OCA2: variants seen among roughly 807,000 people sequenced by gnomAD.
The protein encoded by OCA2 is P protein.
Under a neutral mutation model 100.2 loss-of-function variants are expected in OCA2, and 77 were observed. That is an observed-to-expected ratio of 0.77 (90% CI 0.64 to 0.93). The LOEUF is 0.93. Ranked by LOEUF, OCA2 falls within the 40% of genes least tolerant of loss-of-function variation. OCA2 has a pLI of 0.00. For synonymous variants in OCA2, 432 were observed against 439.2 expected (o/e 0.98, Z 0.21); for missense variants, 1,062 against 1,089.1 (o/e 0.98, Z 0.35).
chr15:27,920,412 A>T (rs1322979995), intron 19 of OCA2, among the ~76,000 whole-genome samples: 1 of 152,198 alleles, frequency 6.6e-6, no homozygotes, highest in Non-Finnish European at 1.5e-5. Flanking sequence ...ATATAAATGA[A>T]ATCAATAACA....
chr15:27,722,651 T>TC, the OCA2 span, among the ~76,000 whole-genome samples: 2 of 94,408 alleles, frequency 2.1e-5, no homozygotes, highest in African/African-American at 7.8e-5. Context: ...CCTTCCTTCT[T>TC]TTCTCTCTTT....
At chr15:28,095,598 T>C (rs2044961044) in intron 1 of OCA2, among the ~76,000 whole-genome samples, 1 of 151,304 alleles carries the variant, frequency 6.6e-6, no homozygotes, top group South Asian at 2.1e-4. Context: ...GTGCCTGTAA[T>C]CCCAGCTACT....
At chr15:27,764,924 A>C in intron 23 of OCA2, among the ~76,000 whole-genome samples, 1 of 152,226 alleles carries the variant, frequency 6.6e-6, no homozygotes, top group East Asian at 1.9e-4. Flanking sequence ...TGCTGGACTA[A>C]GGATACGTGT....
chr15:27,971,826 A>AT (rs76470826), intron 14 of OCA2, among the ~76,000 whole-genome samples: 2 of 151,454 alleles, frequency 1.3e-5, no homozygotes, highest in Non-Finnish European at 1.5e-5. Context: ...TTCTTTGTGA[A>AT]TTTTTTTTTC....
chr15:27,913,873 A>AAGAAAG (rs2038521798), intron 19 of OCA2, among the ~76,000 whole-genome samples: 3 of 56,952 alleles, frequency 5.3e-5, no homozygotes, highest in African/African-American at 2.7e-4. Flanking sequence ...GAAAGAAAGA[A>AAGAAAG]AGAAAGAAAG....
At chr15:27,849,325 G>A (rs1477715518) in intron 22 of OCA2, among the ~76,000 whole-genome samples, 1 of 152,182 alleles carries the variant, frequency 6.6e-6, no homozygotes, top group Non-Finnish European at 1.5e-5. Flanking sequence ...ACTGCAGCAG[G>A]GAAGACTTCT....
At chr15:27,886,145 T>C (rs1414149184) in intron 19 of OCA2, among the ~76,000 whole-genome samples, 2 of 152,226 alleles carry the variant, frequency 1.3e-5, no homozygotes, top group Non-Finnish European at 2.9e-5. Context: ...AAGGCCACCG[T>C]GTCTGGGGTC....
In OCA2 at chr15:27,926,066, A is replaced by C. The variant is rs1308405217; in HGVS notation, c.2079+61T>G. 5 of 1,584,074 alleles carry C rather than the reference A, an allele frequency of 3.2e-6. No homozygotes were observed. The African/African-American group carries it at 6.8e-5, about 21-fold the overall frequency. On this transcript the variant is annotated intron_variant, in intron 19 of 23. Coordinates refer to ENST00000354638, the MANE Select transcript of OCA2 (RefSeq NM_000275.3). ...GATGTAGGCTTTCTTCATTCACCAA[A>C]TAAAACATGAAATACAAAAATCAGG...
intron 19 of OCA2, among the ~76,000 whole-genome samples, chr15:27,878,392 G>C (rs561430256): frequency 6.6e-6 from 1 of 152,082 alleles, no homozygotes; most frequent in African/African-American, 2.4e-5. Flanking sequence ...TATAGAGCAG[G>C]TCTGCTGGAA....
chr15:27,917,287 T>A (rs2038700899), intron 19 of OCA2, among the ~76,000 whole-genome samples: 1 of 152,168 alleles, frequency 6.6e-6, no homozygotes, highest in Non-Finnish European at 1.5e-5. Context: ...TCTTCTTGGT[T>A]CTCACAAGCA....
At chr15:27,750,806 G>A (rs2030040824), downstream of OCA2, among the ~76,000 whole-genome samples, 1 of 152,238 alleles carries the variant, frequency 6.6e-6, no homozygotes, top group African/African-American at 2.4e-5. Flanking sequence ...TGTGCCAAAA[G>A]GCAAGTGGAT....
rs933229957 is a variant in OCA2, at chr15:28,043,762, T to C, written c.228-11599A>G. On this transcript the variant is annotated intron_variant, in intron 2 of 23. Transcript: ENST00000354638. This position sits in a 1 kb window ranked among gnomAD's most constrained non-coding sequence, Gnocchi z 4.4. The stretch of plus-strand genomic sequence containing the variant: ...ATTAATTATTAACATTAGATGGGCT[T>C]GTGACTGGGCTGGTTATTGAAGAGA... Among the ~76,000 whole-genome samples the C allele has an allele frequency of 1.3e-4, 20 of 152,198 alleles. No homozygotes were observed. The highest frequency in any genetic ancestry group is 4.1e-4 in the African/African-American group (17 of 41,440).
At chr15:27,760,329 G>A (rs865973968) in intron 23 of OCA2, among the ~76,000 whole-genome samples, 1 of 151,564 alleles carries the variant, frequency 6.6e-6, no homozygotes, top group Non-Finnish European at 1.5e-5. Flanking sequence ...AGAAGGAAAC[G>A]TATAGCACTA....
intron 19 of OCA2, chr15:27,896,019 CT>C: frequency 1.9e-6 from 2 of 1,048,918 alleles, no homozygotes; most frequent in Non-Finnish European, 2.9e-6. Context: ...CTGCAGGCTT[CT>C]CAATAGGTTT....
chr15:27,832,691 AT>A (rs1159951360), intron 23 of OCA2, among the ~76,000 whole-genome samples: 1 of 152,206 alleles, frequency 6.6e-6, no homozygotes, highest in Non-Finnish European at 1.5e-5. Flanking sequence ...AGCACACAGT[AT>A]CTGCCTGCTT....
At chr15:28,084,028 G>A (rs556703348) in intron 1 of OCA2, among the ~76,000 whole-genome samples, 2 of 152,332 alleles carry the variant, frequency 1.3e-5, no homozygotes, top group Admixed American at 6.5e-5. Context: ...GTATTCAGAG[G>A]TGGGGTCTCA....
intron 17 of OCA2, among the ~76,000 whole-genome samples, chr15:27,953,067 A>T (rs953275336): frequency 3.9e-5 from 6 of 152,188 alleles, no homozygotes; most frequent in African/African-American, 1.2e-4. Flanking sequence ...TTAGATGGAG[A>T]CAGCAATGAT....
intron 18 of OCA2, among the ~76,000 whole-genome samples, chr15:27,940,920 G>A (rs1237430943): frequency 1.3e-5 from 2 of 152,164 alleles, no homozygotes; most frequent in Non-Finnish European, 2.9e-5. Flanking sequence ...TTAATGTTGA[G>A]GAATTTAAAT....
intron 23 of OCA2, among the ~76,000 whole-genome samples, chr15:27,820,220 C>T (rs2034453440): frequency 6.6e-6 from 1 of 152,212 alleles, no homozygotes; most frequent in Non-Finnish European, 1.5e-5. Flanking sequence ...AAAGATACTT[C>T]CTCCTCGAGC....
Sources: gnomAD v4.1 joint callset for allele counts (sites outside exome capture counted in the v4.1 genomes callset) on GRCh38, gnomAD v4.1.1 for gene constraint, Gnocchi (gnomAD v3.1) non-coding constraint, MANE v1.5 for transcripts, NCBI Gene and HGNC (gene_info 2026-07-23, HGNC 2026-07-21) for gene names.